ARHGEF6: variants seen among roughly 807,000 people sequenced by gnomAD.
The protein encoded by ARHGEF6 is rho guanine nucleotide exchange factor 6.
Under a neutral mutation model 70.3 loss-of-function variants are expected in ARHGEF6, and 9 were observed. The ratio of observed to expected loss-of-function variants is 0.13; its 90% CI spans 0.08 to 0.22. ARHGEF6 has a LOEUF of 0.22. Ranked by LOEUF, ARHGEF6 falls within the 10% of genes least tolerant of loss-of-function variation. ARHGEF6 has a pLI of 1.00. For missense variants in ARHGEF6, 470 were observed against 563.0 expected (o/e 0.83, Z 1.67); for synonymous variants, 201 against 207.8 (o/e 0.97, Z 0.28).
chrX:136,749,841 A>C (rs2077133004), intron 2 of ARHGEF6, among the ~76,000 whole-genome samples: 1 of 111,991 alleles, frequency 8.9e-6, no homozygotes, highest in South Asian at 3.7e-4. Context: ...GCAACGCCTA[A>C]GCATTATTAT....
At chrX:136,703,017 T>C (rs983397291) in intron 9 of ARHGEF6, among the ~76,000 whole-genome samples, 1 of 111,400 alleles carries the variant, frequency 9.0e-6, no homozygotes, top group African/African-American at 3.3e-5. Context: ...CAACAAATGG[T>C]GCTGGGACAA....
intron 18 of ARHGEF6, among the ~76,000 whole-genome samples, chrX:136,676,005 A>G (rs2076278972): frequency 9.0e-6 from 1 of 111,636 alleles, no homozygotes; most frequent in African/African-American, 3.3e-5. Flanking sequence ...TATTTATCCA[A>G]ACTATATTCC....
At chrX:136,730,337 G>A (rs1336814485) in intron 6 of ARHGEF6, among the ~76,000 whole-genome samples, 1 of 111,015 alleles carries the variant, frequency 9.0e-6, no homozygotes, top group Non-Finnish European at 1.9e-5. Flanking sequence ...AGGACAATCA[G>A]AACACTCAAA....
intron 2 of ARHGEF6, chrX:136,767,789 C>T: frequency 1.3e-6 from 1 of 754,824 alleles, no homozygotes; most frequent in Non-Finnish European, 1.6e-6. Context: ...AGCAGTGACC[C>T]GGACCTGGAT....
At position 136,672,029 on chromosome X, in the gene ARHGEF6, A is replaced by G. The variant is rs749652135; in HGVS notation, c.2126T>C (p.Met709Thr). 5.8e-6 allele frequency: 7 copies of G among 1,207,666 alleles called. No individual in the cohort carries two copies. Among genetic ancestry groups the G allele is most frequent in the East Asian group, 3.0e-5 (1 of 33,805 alleles). Residue 709 changes from methionine to threonine, a missense_variant, in exon 20 of 22, where the codon ATG (methionine) becomes ACG (threonine). By Grantham distance (81) the Met-to-Thr change is moderately conservative. Transcript: ENST00000250617. ...EETRSNGQTI[M>T]EEKSLVDTVY... ...TGCCTGCTCTACTCACTTTTCTTCC[A>G]TGATGGTCTGGCCGTTGCTTCTGGT...
chrX:136,706,809 G>A, intron 9 of ARHGEF6, 99 bp downstream of exon 9: 1 of 1,023,056 alleles, frequency 9.8e-7, no homozygotes, highest in Admixed American at 2.2e-5. Context: ...ATCATGAACA[G>A]GGATAATCAA....
chrX:136,686,713 T>TATATATATATATAC (rs2076405400), intron 11 of ARHGEF6, among the ~76,000 whole-genome samples: 1 of 66,023 alleles, frequency 1.5e-5, no homozygotes, highest in Non-Finnish European at 2.6e-5. Context: ...TATATACATA[T>TATATATATATATAC]ATATATATAT....
chrX:136,741,749 G>A (rs978326107), intron 5 of ARHGEF6, among the ~76,000 whole-genome samples: 1 of 111,238 alleles, frequency 9.0e-6, no homozygotes, highest in African/African-American at 3.3e-5. Flanking sequence ...GAAAGTGTGG[G>A]AAATCCTACC....
intron 21 of ARHGEF6, among the ~76,000 whole-genome samples, chrX:136,669,118 G>A (rs186470993): frequency 3.6e-5 from 4 of 111,696 alleles, no homozygotes; most frequent in East Asian, 5.6e-4. Context: ...TGTGCATCAC[G>A]GAGCACTAGG....
At position 136,675,052 on chromosome X, in the gene ARHGEF6, C is replaced by G; in HGVS notation, c.1990G>C (p.Glu664Gln). 1 of 1,211,627 alleles carries G rather than the reference C, an allele frequency of 8.3e-7. No individual in the cohort carries two copies. The highest frequency in any genetic ancestry group is 3.0e-5 in the East Asian group (1 of 33,861). ...EEDAQILKVIEAYCTSANFQQ... is the reference protein window; with the variant it reads ...EEDAQILKVIQAYCTSANFQQ... ...AAATTTGCGCTGGTGCAGTAGGCTT[C>G]GATCACTTTAAGGATTTGAGCATCC... is the stretch of plus-strand genomic sequence containing the variant. Residue 664 changes from glutamate (E) to glutamine (Q), a missense_variant, in exon 19 of 22, where the codon GAA becomes CAA. Physicochemically the swap from Glu to Gln is conservative, Grantham distance 29. Transcript: ENST00000250617.
intron 9 of ARHGEF6, among the ~76,000 whole-genome samples, chrX:136,699,652 C>T (rs1755306400): frequency 9.0e-6 from 1 of 111,290 alleles, no homozygotes; most frequent in African/African-American, 3.3e-5. Context: ...AAAGCAGAAG[C>T]CACTGGACCC....
At chrX:136,718,655 G>C (rs1408552117) in intron 6 of ARHGEF6, among the ~76,000 whole-genome samples, 2 of 111,189 alleles carry the variant, frequency 1.8e-5, no homozygotes, top group Non-Finnish European at 3.8e-5. Context: ...AGAACTTTTA[G>C]TATGATAAAT....
chrX:136,709,562 A>G (rs1368722739), intron 7 of ARHGEF6, among the ~76,000 whole-genome samples: 1 of 113,308 alleles, frequency 8.8e-6, no homozygotes, highest in African/African-American at 3.2e-5. Flanking sequence ...ATCCAAAGGT[A>G]CAAAGCCAGG....
At chrX:136,686,686 A>G (rs1438085615) in intron 11 of ARHGEF6, among the ~76,000 whole-genome samples, 1 of 61,739 alleles carries the variant, frequency 1.6e-5, no homozygotes, top group Non-Finnish European at 2.8e-5. Flanking sequence ...ATACACATAT[A>G]TATATATACA....
intron 9 of ARHGEF6, among the ~76,000 whole-genome samples, chrX:136,703,110 C>A (rs2076592377): frequency 9.0e-6 from 1 of 111,358 alleles, no homozygotes; most frequent in African/African-American, 3.3e-5. Flanking sequence ...AATATAAAAG[C>A]TAAGATTATA....
At chrX:136,715,659 G>A (rs2076729375) in intron 6 of ARHGEF6, among the ~76,000 whole-genome samples, 2 of 110,372 alleles carry the variant, frequency 1.8e-5, no homozygotes, top group South Asian at 7.7e-4. Flanking sequence ...CACTGTAATT[G>A]ACAAACTTCT....
chrX:136,668,530 C>CTTATTATTATTA (rs1249508000), intron 21 of ARHGEF6, among the ~76,000 whole-genome samples: 5 of 99,987 alleles, frequency 5.0e-5, no homozygotes, highest in African/African-American at 2.1e-4. Context: ...TCTTCTTCTT[C>CTTATTATTATTA]TTCTTATTAT....
chrX:136,725,563 G>A (rs2076844465), intron 6 of ARHGEF6, among the ~76,000 whole-genome samples: 1 of 111,236 alleles, frequency 9.0e-6, no homozygotes, highest in South Asian at 3.8e-4. Context: ...AGGCCACAGG[G>A]CATCTAATGT....
In ARHGEF6 at chrX:136,685,807, A is replaced by G; in HGVS notation, c.1262T>C (p.Leu421Pro). 8.3e-7 allele frequency: 1 copy of G among 1,211,038 alleles called. No individual in the cohort carries two copies. The highest frequency in any genetic ancestry group is 1.1e-6 in the Non-Finnish European group (1 of 895,110). The change falls in exon 12 of 22, where the codon CTG (leucine) becomes CCG (proline). Residue 421 changes from leucine (L) to proline (P), a missense_variant. Physicochemically the swap from Leu to Pro is moderately conservative, Grantham distance 98. This residue lies in a region of ARHGEF6 where 379 missense variants were observed against 449.3 expected (regional missense o/e 0.84). Coordinates refer to ENST00000250617, the MANE Select transcript of ARHGEF6 (RefSeq NM_004840.3). ...FKTLMGQCQD[L>P]RKRKQLELQI... ...TAACTCCAGCTGTTTTCTCTTCCTC[A>G]GATCTTGACATTGCCCCTACAGAAC...
Sources: gnomAD v4.1 joint callset for allele counts (sites outside exome capture counted in the v4.1 genomes callset) on GRCh38, gnomAD v4.1.1 for gene constraint, gnomAD v4.1.1 regional missense constraint, MANE v1.5 for transcripts, NCBI Gene and HGNC (gene_info 2026-07-23, HGNC 2026-07-21) for gene names.